Variants in LOXL4 observed in about 807,000 individuals in gnomAD.
The protein encoded by LOXL4 is lysyl oxidase like 4.
Under a neutral mutation model 89.1 loss-of-function variants are expected in LOXL4, and 72 were observed. That is an observed-to-expected ratio of 0.81 (90% CI 0.67 to 0.98). The LOEUF (loss-of-function observed/expected upper bound fraction) is 0.98, where lower values mean the gene tolerates loss of function less well. LOXL4 is among the 50% of genes least tolerant of loss of function. The pLI, the probability that LOXL4 is intolerant of heterozygous loss-of-function variation, is 0.00. For synonymous variants in LOXL4, 355 were observed against 392.1 expected, an observed-to-expected ratio of 0.91 and a Z score of 1.12; for missense variants, 984 against 1,017.5, an observed-to-expected ratio of 0.97 and a Z score of 0.45.
chr10:98,253,687 C>G lies in LOXL4; in HGVS notation c.1701G>C (p.Lys567Asn). 6.2e-7 allele frequency: 1 copy of G among 1,614,260 alleles called. No individual in the cohort carries two copies. ...YCAHEENCLS[K>N]SADHMDWPYG... ...AGGGCCAGTCCATGTGATCCGCAGA[C>G]TTGGAGAGGCAGTTCTCCTCGTGGG... The change falls in exon 11 of 15, where the codon AAG (lysine) becomes AAC (asparagine). Residue 567 changes from lysine to asparagine, a missense_variant. By Grantham distance (94) the Lys-to-Asn change is moderately conservative (BLOSUM62 0). Transcript: ENST00000260702.
rs1050236324 is a variant in LOXL4, at chr10:98,258,245, G to A, written c.922-81C>T. 3.0e-5 allele frequency: 42 copies of A among 1,407,216 alleles called. 1 individual carries two copies. In the Admixed American group the frequency reaches 5.3e-4, roughly 18 times the overall value. The allele number at this position is 1,407,216 out of a possible 1,614,324, so 87.2% of individuals were successfully genotyped here. ...GAGCCCCCACAGCGGGATCCCCAAC[G>A]GGGCTCCTTCAAGTTCCATGGCGGT... On this transcript the variant is annotated intron_variant, in intron 6 of 14. Coordinates refer to ENST00000260702, the MANE Select transcript of LOXL4 (RefSeq NM_032211.7).
chr10:98,259,479 C>CA, intron 4 of LOXL4, 50 bp from the exon 5 acceptor site: 1 of 1,505,788 alleles, frequency 6.6e-7, no homozygotes, highest in Non-Finnish European at 9.2e-7. Context: ...GGAAGTCCCA[C>CA]CCCCTGCCAC....
rs761111137 is a variant in LOXL4 at position 98,258,134 on chromosome 10, G to T, written c.952C>A (p.Gln318Lys). 8 of 1,612,810 alleles carry T rather than the reference G, an allele frequency of 5.0e-6. No homozygotes were observed. In the South Asian group the frequency reaches 8.8e-5, roughly 18 times the overall value. ...EPRVRLRSGA[Q>K]VGEGRVEVLM... is the part of the protein sequence containing the mutation. ...ACTTCCACCCGGCCCTCGCCCACCT[G>T]GGCCCCGGAGCGCAGGCGCACCCTC... is the stretch of plus-strand genomic sequence containing the variant. The change falls in exon 7 of 15, where the codon CAG becomes AAG. Residue 318 changes from glutamine to lysine, a missense_variant. Coordinates refer to ENST00000260702, the MANE Select transcript of LOXL4 (RefSeq NM_032211.7).
At chr10:98,250,433 GAACA>G (rs1858156902) in intron 14 of LOXL4, among the ~76,000 whole-genome samples, 1 of 152,184 alleles carries the variant, frequency 6.6e-6, no homozygotes, top group Admixed American at 6.5e-5. Context: ...TTGACTAAAT[GAACA>G]ACTCTGCCCC....
At chr10:98,252,207 G>C (rs1858212415) in intron 12 of LOXL4, 146 bp downstream of exon 12, 1 of 655,968 alleles carries the variant, frequency 1.5e-6, no homozygotes, top group Non-Finnish European at 2.7e-6. Flanking sequence ...CAGAAGGTAA[G>C]AAATTGCCTT....
At chr10:98,253,889 A>C in intron 10 of LOXL4, 93 bp from the exon 11 acceptor site, 3 of 1,523,392 alleles carry the variant, frequency 2.0e-6, no homozygotes, top group Admixed American at 1.8e-5. Context: ...CCCCAGATTA[A>C]ACCCTCCGAG....
In LOXL4 at chr10:98,262,769, T is replaced by C; in HGVS notation, c.251A>G (p.His84Arg). 1 of 1,613,276 alleles carries C rather than the reference T, an allele frequency of 6.2e-7. No homozygotes were observed. The change falls in exon 2 of 15, where the codon CAC (histidine) becomes CGC (arginine). Residue 84 changes from histidine (H) to arginine (R), a missense_variant. Coordinates refer to ENST00000260702, the MANE Select transcript of LOXL4 (RefSeq NM_032211.7). ...CTCCCCTTGGCCGTACTTGGCACTGTGGGCCCAGGTCAAGGCAGCTTCGAA... is the reference window on the plus strand; with the variant it reads ...CTCCCCTTGGCCGTACTTGGCACTGCGGGCCCAGGTCAAGGCAGCTTCGAA... The part of the protein sequence containing the change: ...LGFEAALTWA[H>R]SAKYGQGEGP...
intron 1 of LOXL4, among the ~76,000 whole-genome samples, chr10:98,265,737 T>C (rs1272193408): frequency 2.0e-5 from 3 of 152,220 alleles, no homozygotes; most frequent in African/African-American, 7.2e-5. Flanking sequence ...ACAGCGACGA[T>C]AGAACCGTTG....
Position 98,256,806 on chromosome 10 carries a change from G to T in LOXL4, c.1402C>A (p.Leu468Met). ...TTGTAGGCATGGATGGCAAAACCCA[G>T]GCCGAGCTGTCGGCAGGCCACCATG... ...EAMVACRQLG[L>M]GFAIHAYKET... Residue 468 changes from leucine (L) to methionine (M), a missense_variant, in exon 9 of 15, where the codon CTG becomes ATG. By Grantham distance (15) the Leu-to-Met change is conservative (BLOSUM62 2). Coordinates refer to ENST00000260702, the MANE Select transcript of LOXL4 (RefSeq NM_032211.7). The T allele has an allele frequency of 1.2e-6, 2 of 1,614,152 alleles. No individual in the cohort carries two copies. The highest frequency in any genetic ancestry group is 1.3e-5 in the African/African-American group (1 of 75,074).
At chr10:98,249,676 A>T (rs932069158) in intron 14 of LOXL4, among the ~76,000 whole-genome samples, 3 of 152,242 alleles carry the variant, frequency 2.0e-5, no homozygotes, top group African/African-American at 7.2e-5. Context: ...GATCCTAAAC[A>T]CTGGCAAGAG....
intron 10 of LOXL4, among the ~76,000 whole-genome samples, 169 bp from the exon 11 acceptor site, chr10:98,253,965 G>C (rs1301589624): frequency 2.0e-5 from 3 of 152,138 alleles, no homozygotes; most frequent in Non-Finnish European, 4.4e-5. Context: ...ACATTTAAAG[G>C]AAGTCTATCA....
intron 13 of LOXL4, 78 bp downstream of exon 13, chr10:98,251,488 C>T (rs1858190654): frequency 1.9e-6 from 3 of 1,569,240 alleles, no homozygotes; most frequent in Non-Finnish European, 2.6e-6. Context: ...GAAATTCTTC[C>T]CTTCATTTGC....
rs1346023763 is a variant in LOXL4, at chr10:98,251,705, G to GT, written c.1952-4dup. 1 of 1,613,960 alleles carries GT rather than the reference G, an allele frequency of 6.2e-7. No homozygotes were observed. Among genetic ancestry groups the GT allele is most frequent in the Non-Finnish European group, 8.5e-7 (1 of 1,180,026 alleles). On this transcript the variant is annotated splice_region_variant and splice_polypyrimidine_tract_variant and intron_variant, in intron 12 of 14. Coordinates refer to ENST00000260702, the MANE Select transcript of LOXL4 (RefSeq NM_032211.7). ...ACATGCGTAGCGCCGCTGCAGTCCTGTAAGGAAGGGGACAGACAGGTTTTG... is the reference window on the plus strand; with the variant it reads ...ACATGCGTAGCGCCGCTGCAGTCCTGTTAAGGAAGGGGACAGACAGGTTTTG...
chr10:98,257,616 C>T (rs1464920947), intron 8 of LOXL4, 34 bp downstream of exon 8: 1 of 1,600,590 alleles, frequency 6.2e-7, no homozygotes, highest in Non-Finnish European at 8.5e-7. Context: ...TTTCCCGGCC[C>T]CCAGCCTGAG....
intron 12 of LOXL4, 95 bp from the exon 13 acceptor site, chr10:98,251,797 T>G: frequency 1.4e-6 from 2 of 1,461,282 alleles, no homozygotes; most frequent in Non-Finnish European, 1.9e-6. Flanking sequence ...CATGCCCAGT[T>G]CACAGATTAA....
chr10:98,258,463 G>T (rs1858445997), intron 6 of LOXL4, among the ~76,000 whole-genome samples: 1 of 151,816 alleles, frequency 6.6e-6, no homozygotes, highest in African/African-American at 2.4e-5. Flanking sequence ...GTGGCACTAA[G>T]GTGTCTGTAC....
At chr10:98,263,096 A>G (rs1858595389) in intron 1 of LOXL4, 45 bp from the exon 2 acceptor site, 1 of 1,511,478 alleles carries the variant, frequency 6.6e-7, no homozygotes, top group Non-Finnish European at 9.0e-7. Context: ...CTCTACCCAG[A>G]TCTCAGACCT....
At chr10:98,267,440 G>A (rs1008961948) in intron 1 of LOXL4, among the ~76,000 whole-genome samples, 4 of 152,228 alleles carry the variant, frequency 2.6e-5, no homozygotes, top group African/African-American at 9.6e-5. Context: ...GCTGAAGACA[G>A]CAAATGCCCG....
At chr10:98,251,295 AGGAG>A in intron 13 of LOXL4, 119 bp from the exon 14 acceptor site, 1 of 867,736 alleles carries the variant, frequency 1.2e-6, no homozygotes, top group South Asian at 1.6e-5. Context: ...ACAATTACCC[AGGAG>A]GTAGGTACTG....
Sources: gnomAD v4.1 joint callset for allele counts (sites outside exome capture counted in the v4.1 genomes callset) on GRCh38, gnomAD v4.1.1 for gene constraint, MANE v1.5 for transcripts, NCBI Gene and HGNC (gene_info 2026-07-23, HGNC 2026-07-21) for gene names.